STT3A: variants seen among roughly 807,000 people sequenced by gnomAD.
The protein encoded by STT3A is STT3 oligosaccharyltransferase complex catalytic subunit A.
In STT3A, 34 loss-of-function variants were observed where a neutral mutation model predicts 89.2. The observed-to-expected ratio is 0.38, with a 90% confidence interval of 0.29 to 0.51. The LOEUF is 0.51. Ranked by LOEUF, STT3A falls within the 20% of genes least tolerant of loss-of-function variation. The probability of loss-of-function intolerance (pLI) is 0.89; values close to 1 mark genes in which losing one functional copy is unlikely to be tolerated. For synonymous variants in STT3A, 282 were observed against 310.3 expected (o/e 0.91, Z 0.96); for missense variants, 555 against 889.5 (o/e 0.62, Z 4.78).
At chr11:125,612,189 T>C (rs758982246) in intron 11 of STT3A, among the ~76,000 whole-genome samples, 7 of 152,220 alleles carry the variant, frequency 4.6e-5, no homozygotes, top group Non-Finnish European at 8.8e-5. Flanking sequence ...TTCTCTTATA[T>C]ACTTTAAATC....
At chr11:125,601,719 G>A (rs1939686759) in intron 3 of STT3A, among the ~76,000 whole-genome samples, 2 of 152,118 alleles carry the variant, frequency 1.3e-5, no homozygotes, top group African/African-American at 4.8e-5. Flanking sequence ...TGGTCCTAAT[G>A]CCTACCACAT....
chr11:125,592,479 C>T (rs1454307207), upstream of STT3A: 2 of 455,970 alleles, frequency 4.4e-6, no homozygotes, highest in Non-Finnish European at 8.8e-6. Flanking sequence ...GGAGCAAGGG[C>T]CTATTTCAGC....
At chr11:125,607,973 G>C (rs1939885536) in intron 8 of STT3A, 136 bp from the exon 9 acceptor site, 6 of 824,756 alleles carry the variant, frequency 7.3e-6, no homozygotes, top group Non-Finnish European at 1.8e-6. Context: ...CCCTTCCCTA[G>C]ATTGGCCCTG....
At position 125,602,963 on chromosome 11, in the gene STT3A, G is replaced by A; in HGVS notation, c.417+15G>A. The A allele has an allele frequency of 6.2e-7, 1 of 1,613,746 alleles. No homozygotes were observed. ...AAGAGCTCAAGGTGAAGGATTTGGG[G>A]TGACAGGAGGCTTGGGAATGAATGT... On this transcript the variant is annotated intron_variant, in intron 5 of 17. Coordinates refer to ENST00000392708, the MANE Select transcript of STT3A (RefSeq NM_152713.5).
chr11:125,616,187 C>T (rs1431468565), intron 15 of STT3A, among the ~76,000 whole-genome samples: 1 of 152,188 alleles, frequency 6.6e-6, no homozygotes, highest in Non-Finnish European at 1.5e-5. Context: ...CTATCCTCAC[C>T]CCTCACCAGG....
Position 125,602,444 on chromosome 11 carries a change from T to C in STT3A, c.271+20T>C, listed in dbSNP as rs745712052. Reference sequence around the variant, plus strand: ...ACCCAGGTGAGGAGACCAGATGTGTTTTTTTTTTTAAAAAAAAAACAGAAA... The same window carrying C: ...ACCCAGGTGAGGAGACCAGATGTGTCTTTTTTTTTAAAAAAAAAACAGAAA... On this transcript the variant is annotated intron_variant, in intron 4 of 17. Transcript: ENST00000392708. The C allele has an allele frequency of 1.3e-6, 2 of 1,532,578 alleles. No individual in the cohort carries two copies. The highest frequency in any genetic ancestry group is 1.7e-6 in the Non-Finnish European group (2 of 1,146,880). 94.9% of individuals were successfully genotyped at this position (1,532,578 alleles called of 1,614,324 possible).
chr11:125,615,527 TAAA>T (rs1321721628), intron 15 of STT3A, among the ~76,000 whole-genome samples: 3 of 151,996 alleles, frequency 2.0e-5, no homozygotes, highest in South Asian at 4.1e-4. Flanking sequence ...ATCATACAAA[TAAA>T]AAATACAGTA....
chr11:125,596,257 G>C (rs1939492494), intron 2 of STT3A, among the ~76,000 whole-genome samples: 1 of 152,168 alleles, frequency 6.6e-6, no homozygotes, highest in Non-Finnish European at 1.5e-5. Context: ...TTGAGGCTGG[G>C]AGTTTGAGAC....
intron 3 of STT3A, among the ~76,000 whole-genome samples, chr11:125,600,784 G>A (rs1939648540): frequency 6.6e-6 from 1 of 152,004 alleles, no homozygotes; most frequent in African/African-American, 2.4e-5. Context: ...ATGTATCTGT[G>A]TATCTTTCTA....
upstream of STT3A, chr11:125,592,762 T>G (rs1392818587): frequency 3.6e-6 from 1 of 281,400 alleles, no homozygotes; most frequent in African/African-American, 2.2e-5. Context: ...TGACAGACAG[T>G]TCCGAGACCC....
intron 4 of STT3A, 122 bp downstream of exon 4, chr11:125,602,546 A>G (rs1939716226): frequency 2.4e-6 from 3 of 1,261,676 alleles, no homozygotes; most frequent in East Asian, 5.1e-5. Flanking sequence ...CATCCTGATT[A>G]CAGGTTCCTA....
chr11:125,595,923 A>C lies in STT3A; in HGVS notation c.8A>C (p.Lys3Thr). The C allele has an allele frequency of 6.2e-7, 1 of 1,612,934 alleles. No individual in the cohort carries two copies. The highest frequency in any genetic ancestry group is 8.5e-7 in the Non-Finnish European group (1 of 1,179,456). The change falls in exon 2 of 18, where the codon AAG (lysine) becomes ACG (threonine). Residue 3 changes from lysine (K) to threonine (T), a missense_variant. Transcript: ENST00000392708. Reference sequence around the variant, plus strand: ...CCACCCATTCATGTCAAGATGACTAAGTTTGGATTTTTGCGATTGTCCTAT... The same window carrying C: ...CCACCCATTCATGTCAAGATGACTACGTTTGGATTTTTGCGATTGTCCTAT... The part of the protein sequence containing the change: MT[K>T]FGFLRLSYEK...
At chr11:125,593,971 A>T (rs927094451) in intron 1 of STT3A, among the ~76,000 whole-genome samples, 4 of 152,238 alleles carry the variant, frequency 2.6e-5, no homozygotes, top group Non-Finnish European at 5.9e-5. Context: ...GATAGGAATA[A>T]ATTCTAGTGT....
chr11:125,603,468 C>T, intron 5 of STT3A: 1 of 154,886 alleles, frequency 6.5e-6, no homozygotes, highest in Non-Finnish European at 1.4e-5. Context: ...TTAGTTTGTG[C>T]TGCGGTGTTA....
At chr11:125,600,982 G>A (rs906944196) in intron 3 of STT3A, among the ~76,000 whole-genome samples, 1 of 152,060 alleles carries the variant, frequency 6.6e-6, no homozygotes, top group African/African-American at 2.4e-5. Context: ...TAGAGACAGA[G>A]TCTCACTGTG....
chr11:125,603,048 G>A (rs1939731776), intron 5 of STT3A, 100 bp downstream of exon 5: 2 of 1,440,836 alleles, frequency 1.4e-6, no homozygotes, highest in South Asian at 2.7e-5. Flanking sequence ...AAGGCAGGGA[G>A]CCAGAAGGTG....
intron 15 of STT3A, 143 bp from the exon 16 acceptor site, chr11:125,618,230 T>C (rs556293083): frequency 1.7e-4 from 124 of 747,690 alleles, no homozygotes; most frequent in Non-Finnish European, 2.5e-4. Context: ...GCCCGTATGT[T>C]GTCCTCACTA....
Position 125,614,237 on chromosome 11 carries a change from G to A in STT3A, c.1671+34G>A, listed in dbSNP as rs745456311. On this transcript the variant is annotated intron_variant, in intron 14 of 17. Coordinates refer to ENST00000392708, the MANE Select transcript of STT3A (RefSeq NM_152713.5). The surrounding 1 kb of genome is among the most constrained non-coding windows in gnomAD (Gnocchi z 4.9). ...AAGGGATGATCTTTGAGTGTTTGGTGTACAAGGTCTAATGGGAAATGTGTC... is the reference window on the plus strand; with the variant it reads ...AAGGGATGATCTTTGAGTGTTTGGTATACAAGGTCTAATGGGAAATGTGTC... 1 of 1,612,084 alleles carries A rather than the reference G, an allele frequency of 6.2e-7. No individual in the cohort carries two copies. Among genetic ancestry groups the A allele is most frequent in the South Asian group, 1.1e-5 (1 of 91,050 alleles).
At chr11:125,594,441 G>C (rs189497856) in intron 1 of STT3A, among the ~76,000 whole-genome samples, 2 of 152,028 alleles carry the variant, frequency 1.3e-5, no homozygotes, top group South Asian at 4.2e-4. Flanking sequence ...TTAGCTGGGC[G>C]TGGTGGCGCA....
Sources: gnomAD v4.1 joint callset for allele counts (sites outside exome capture counted in the v4.1 genomes callset) on GRCh38, gnomAD v4.1.1 for gene constraint, Gnocchi (gnomAD v3.1) non-coding constraint, MANE v1.5 for transcripts, NCBI Gene and HGNC (gene_info 2026-07-23, HGNC 2026-07-21) for gene names.